Variants in SART1 observed in about 807,000 individuals in gnomAD.
SART1 encodes spliceosome associated factor 1, recruiter of U4/U6.U5 tri-snRNP, also known as U4/U6.U5 tri-snRNP-associated protein 1.
Under a neutral mutation model 105.0 loss-of-function variants are expected in SART1, and 28 were observed. The observed-to-expected ratio is 0.27, with a 90% CI of 0.20 to 0.37. The LOEUF (loss-of-function observed/expected upper bound fraction) is 0.37, where lower values mean the gene tolerates loss of function less well. SART1 is among the 10% of genes least tolerant of loss of function. The probability of loss-of-function intolerance (pLI) is 1.00; values close to 1 mark genes in which losing one functional copy is unlikely to be tolerated. For missense variants in SART1, 894 were observed against 1,106.5 expected (o/e 0.81, Z 2.72); for synonymous variants, 472 against 462.9 (o/e 1.02, Z -0.25).
At position 65,966,541 on chromosome 11, in the gene SART1, C is replaced by G. The variant is rs760141913; in HGVS notation, c.1173C>G (p.Leu391=). The G allele has an allele frequency of 2.5e-5, 39 of 1,545,154 alleles. No individual in the cohort carries two copies. In the East Asian group the frequency reaches 8.6e-4, roughly 34 times the overall value. ...GGCCCCGGCTGGCCTCCGAATACCT[C>G]ACGCCTGAGGAGATGGTGAGCCCTC... is the stretch of plus-strand genomic sequence containing the variant. ...TVGPRLASEY[L]TPEEMVTFKK... is the part of the protein sequence containing the mutation. Residue 391 remains leucine, a synonymous_variant, in exon 9 of 20, where the codon CTC becomes CTG. Coordinates refer to ENST00000312397, the MANE Select transcript of SART1 (RefSeq NM_005146.5).
intron 6 of SART1, 45 bp from the exon 7 acceptor site, chr11:65,965,842 T>C: frequency 2.5e-6 from 4 of 1,613,438 alleles, no homozygotes; most frequent in Non-Finnish European, 3.4e-6. Context: ...ATCCCGAGGT[T>C]GGGTGCGTGG....
rs1287081612 is a variant in SART1 at position 65,978,081 on chromosome 11, G to GT, written c.2172+185dup. 1 of 658,870 alleles carries GT rather than the reference G, an allele frequency of 1.5e-6. No homozygotes were observed. 40.8% of individuals were successfully genotyped at this position (658,870 alleles called of 1,614,324 possible). On this transcript the variant is annotated intron_variant, in intron 17 of 19. Transcript: ENST00000312397. The surrounding 1 kb of genome is among the most constrained non-coding windows in gnomAD (Gnocchi z 6.8). ...CAGGGCTGAGGAAGGCTGTGCCTCA[G>GT]TTTGTCTCTAGTGGGCACAGCAGTC... is the stretch of plus-strand genomic sequence containing the variant.
chr11:65,973,260 AAG>A (rs1465225449), intron 12 of SART1, among the ~76,000 whole-genome samples: 10 of 152,200 alleles, frequency 6.6e-5, no homozygotes, highest in Non-Finnish European at 1.3e-4. Context: ...GCAGACCAAA[AAG>A]AGAAGATATT....
chr11:65,965,517 C>A, intron 5 of SART1, 70 bp downstream of exon 5: 1 of 1,470,084 alleles, frequency 6.8e-7, no homozygotes, highest in Non-Finnish European at 9.3e-7. Context: ...AGGCGGGGGC[C>A]AACCCCAGAG....
In SART1 at chr11:65,961,848, G is replaced by T; in HGVS notation, c.68G>T (p.Gly23Val). 2 of 1,575,714 alleles carry T rather than the reference G, an allele frequency of 1.3e-6. No homozygotes were observed. The highest frequency in any genetic ancestry group is 1.7e-6 in the Non-Finnish European group (2 of 1,164,408). Reference protein sequence around the residue: ...AAGTTAAAGTGGATEQPPRHR... With the variant: ...AAGTTAAAGTVGATEQPPRHR... Reference sequence around the variant, plus strand: ...GGGACGACGGCGGCGGCCGGCACCGGGGGTGCCACCGAGCAGCCGCCGCGG... The same window carrying T: ...GGGACGACGGCGGCGGCCGGCACCGTGGGTGCCACCGAGCAGCCGCCGCGG... Residue 23 changes from glycine to valine, a missense_variant, in exon 1 of 20, where the codon GGG (glycine) becomes GTG (valine). Physicochemically the swap from Gly to Val is moderately radical, Grantham distance 109. Around this residue, in one of 2 missense-constraint regions of SART1, gnomAD observed 712 missense variants for 778.2 expected, o/e 0.91. Transcript: ENST00000312397.
chr11:65,965,509 G>GCGGGGGCCAACCCCAGAGAGGTGAGA, intron 5 of SART1, 62 bp downstream of exon 5: 1 of 1,494,488 alleles, frequency 6.7e-7, no homozygotes, highest in South Asian at 1.2e-5. Flanking sequence ...CGGCACTGAG[G>GCGGGGGCCAACCCCAGAGAGGTGAGA]CGGGGGCCAA....
chr11:65,965,537 G>A lies in SART1; in HGVS notation c.660+90G>A, dbSNP rs72928814. 8.1e-3 allele frequency: 11,307 copies of A among 1,403,158 alleles called. 70 individuals carry two copies. The highest frequency in any genetic ancestry group is 8.7e-3 in the Non-Finnish European group (8,910 of 1,022,112). 86.9% of individuals were successfully genotyped at this position (1,403,158 alleles called of 1,614,324 possible). A position where few individuals can be genotyped will look rare whatever the true frequency, so the allele number is the denominator to read the frequency against. ...GGGGCCAACCCCAGAGAGGTGAGACGGGGCTTGGAGAAGGGAAGGGCCGTG... is the reference window on the plus strand; with the variant it reads ...GGGGCCAACCCCAGAGAGGTGAGACAGGGCTTGGAGAAGGGAAGGGCCGTG... On this transcript the variant is annotated intron_variant, in intron 5 of 19. Transcript: ENST00000312397.
chr11:65,979,154 T>A lies in SART1; in HGVS notation c.*124T>A. ...ATCTTTGGTTGGGTGTGGCACAGAG[T>A]CTGGCTCCTGCTAGGTGAGACCTGG... On this transcript the variant is annotated 3_prime_UTR_variant, in exon 20 of 20. Transcript: ENST00000312397. The A allele has an allele frequency of 7.8e-7, 1 of 1,284,026 alleles. No homozygotes were observed. The highest frequency in any genetic ancestry group is 1.1e-6 in the Non-Finnish European group (1 of 906,330). 79.5% of individuals were successfully genotyped at this position (1,284,026 alleles called of 1,614,324 possible).
At position 65,962,100 on chromosome 11, in the gene SART1, AGGCGGGGCCTGCGCAGGGGGCGGGTCG is replaced by A; in HGVS notation, c.313+15_313+41del. 5.2e-6 allele frequency: 1 copy of A among 191,016 alleles called. No homozygotes were observed. The highest frequency in any genetic ancestry group is 6.4e-6 in the Non-Finnish European group (1 of 157,124). The allele number at this position is 191,016 out of a possible 1,614,324, so 11.8% of individuals were successfully genotyped here. A position where few individuals can be genotyped will look rare whatever the true frequency, so the allele number is the denominator to read the frequency against. On this transcript the variant is annotated splice_region_variant and intron_variant, in intron 1 of 19. Coordinates refer to ENST00000312397, the MANE Select transcript of SART1 (RefSeq NM_005146.5). ...GATGACGGCTACGAGGCCGGTGAGG[AGGCGGGGCCTGCGCAGGGGGCGGGTCG>A]GGCGGGGGTCCCGGAACGCGTGGGT...
chr11:65,979,184 C>A lies in SART1; in HGVS notation c.*154C>A. The A allele has an allele frequency of 1.1e-6, 1 of 881,968 alleles. No homozygotes were observed. The highest frequency in any genetic ancestry group is 1.8e-6 in the Non-Finnish European group (1 of 560,410). 54.6% of individuals were successfully genotyped at this position (881,968 alleles called of 1,614,324 possible). A position where few individuals can be genotyped will look rare whatever the true frequency, so the allele number is the denominator to read the frequency against. ...CTCCTGCTAGGTGAGACCTGGCCAT[C>A]AAATGACACAAACAACTAAACGATG... On this transcript the variant is annotated 3_prime_UTR_variant, in exon 20 of 20. Transcript: ENST00000312397.
At chr11:65,965,836 C>T (rs764507558) in intron 6 of SART1, 51 bp from the exon 7 acceptor site, 11 of 1,613,320 alleles carry the variant, frequency 6.8e-6, no homozygotes, top group Middle Eastern at 1.6e-4. Flanking sequence ...ACCGGAATCC[C>T]GAGGTTGGGT....
At position 65,965,230 on chromosome 11, in the gene SART1, T is replaced by A; in HGVS notation, c.554+12T>A. 1 of 1,607,824 alleles carries A rather than the reference T, an allele frequency of 6.2e-7. No individual in the cohort carries two copies. Among genetic ancestry groups the A allele is most frequent in the East Asian group, 2.2e-5 (1 of 44,838 alleles). ...AACCAAAAGCTGGGGTGAGGGGTCC[T>A]GGCCAGGGCAGGCAAGGGAAGGGCT... On this transcript the variant is annotated intron_variant, in intron 4 of 19. Transcript: ENST00000312397.
chr11:65,966,426 A>C lies in SART1; in HGVS notation c.1058A>C (p.Gln353Pro). 1.9e-6 allele frequency: 3 copies of C among 1,613,796 alleles called. No homozygotes were observed. The highest frequency in any genetic ancestry group is 2.5e-6 in the Non-Finnish European group (3 of 1,180,000). ...GERPHSFRLE[Q>P]GGTADGLRER... ...CGGCCACATTCCTTCCGCTTGGAGC[A>C]GGGCGGCACGGCTGATGGCCTGCGG... Residue 353 changes from glutamine (Q) to proline (P), a missense_variant, in exon 9 of 20, where the codon CAG becomes CCG. By Grantham distance (76) the Gln-to-Pro change is moderately conservative (BLOSUM62 -1). Transcript: ENST00000312397.
At chr11:65,967,023 C>T (rs960872783) in intron 9 of SART1, among the ~76,000 whole-genome samples, 2 of 152,110 alleles carry the variant, frequency 1.3e-5, no homozygotes, top group Admixed American at 1.3e-4. Flanking sequence ...CTGCCCAGCT[C>T]TCCCACCTAG....
At position 65,976,121 on chromosome 11, in the gene SART1, G is replaced by T. The variant is rs930858128; in HGVS notation, c.1573-274G>T. On this transcript the variant is annotated intron_variant, in intron 12 of 19. Transcript: ENST00000312397. This position sits in a 1 kb window ranked among gnomAD's most constrained non-coding sequence, Gnocchi z 5.1. ...GCTGAGGTAGTGTGTGAGGGGCTTTGGAGGGGGATTGGCACAGGCCTGGTC... is the reference window on the plus strand; with the variant it reads ...GCTGAGGTAGTGTGTGAGGGGCTTTTGAGGGGGATTGGCACAGGCCTGGTC... Among the ~76,000 whole-genome samples, 6 of 152,142 alleles carry T rather than the reference G, an allele frequency of 3.9e-5. No homozygotes were observed. The highest frequency in any genetic ancestry group is 8.8e-5 in the Non-Finnish European group (6 of 68,018).
At position 65,976,777 on chromosome 11, in the gene SART1, C is replaced by T. The variant is rs756972184; in HGVS notation, c.1857+11C>T. On this transcript the variant is annotated intron_variant, in intron 14 of 19. Coordinates refer to ENST00000312397, the MANE Select transcript of SART1 (RefSeq NM_005146.5). This position sits in a 1 kb window ranked among gnomAD's most constrained non-coding sequence, Gnocchi z 5.1. ...AAGCAGCAGCAGGATGTGAGGGCCG[C>T]GCCGCTGGGGGGTGGGCGTTTGGGG... 4.8e-5 allele frequency: 76 copies of T among 1,592,328 alleles called. No homozygotes were observed. Among genetic ancestry groups the T allele is most frequent in the Middle Eastern group, 4.0e-4 (2 of 5,012 alleles).
At chr11:65,966,806 A>T (rs1274902117) in intron 9 of SART1, among the ~76,000 whole-genome samples, 2 of 152,076 alleles carry the variant, frequency 1.3e-5, no homozygotes, top group Non-Finnish European at 2.9e-5. Flanking sequence ...AAACCATTTA[A>T]CTGTGAGCCT....
In SART1 at chr11:65,965,495, C is replaced by T. The variant is rs775290537; in HGVS notation, c.660+48C>T. 21 of 1,525,362 alleles carry T rather than the reference C, an allele frequency of 1.4e-5. No homozygotes were observed. In the African/African-American group the frequency reaches 2.8e-4, roughly 20 times the overall value. 94.5% of individuals were successfully genotyped at this position (1,525,362 alleles called of 1,614,324 possible). Reference sequence around the variant, plus strand: ...GTGGTCGCCTAGTGCTTCTGGTGGCCTGACGGCACTGAGGCGGGGGCCAAC... The same window carrying T: ...GTGGTCGCCTAGTGCTTCTGGTGGCTTGACGGCACTGAGGCGGGGGCCAAC... On this transcript the variant is annotated intron_variant, in intron 5 of 19. Transcript: ENST00000312397.
chr11:65,968,849 C>A (rs1057479012), intron 12 of SART1, among the ~76,000 whole-genome samples: 1 of 152,202 alleles, frequency 6.6e-6, no homozygotes, highest in Non-Finnish European at 1.5e-5. Flanking sequence ...GCCCCAGAGG[C>A]ACAGTGGGCC....
Sources: gnomAD v4.1 joint callset for allele counts (sites outside exome capture counted in the v4.1 genomes callset) on GRCh38, gnomAD v4.1.1 for gene constraint, gnomAD v4.1.1 regional missense constraint, Gnocchi (gnomAD v3.1) non-coding constraint, MANE v1.5 for transcripts, NCBI Gene and HGNC (gene_info 2026-07-23, HGNC 2026-07-21) for gene names.